The following GABRR1 variants were observed in gnomAD, a reference collection of about 807,000 sequenced individuals.
The protein encoded by GABRR1 is gamma-aminobutyric acid type A receptor subunit rho1.
Under a neutral mutation model 55.5 loss-of-function variants are expected in GABRR1, and 59 were observed. The ratio of observed to expected loss-of-function variants is 1.06; its 90% CI spans 0.86 to 1.32. The LOEUF (loss-of-function observed/expected upper bound fraction) is 1.32, where lower values mean the gene tolerates loss of function less well. Among genes scored for constraint, GABRR1 ranks in the 40% most tolerant of loss-of-function variants. GABRR1 has a pLI of 0.00. For synonymous variants in GABRR1, 213 were observed against 226.0 expected (o/e 0.94, Z 0.51); for missense variants, 602 against 619.1 (o/e 0.97, Z 0.29).
chr6:89,200,177 A>G (rs1772419510), intron 3 of GABRR1, among the ~76,000 whole-genome samples: 1 of 149,500 alleles, frequency 6.7e-6, no homozygotes, highest in African/African-American at 2.5e-5. Flanking sequence ...TCTACAGCCT[A>G]TTTATTCTTT....
intron 1 of GABRR1, among the ~76,000 whole-genome samples, chr6:89,212,918 T>C (rs998158793): frequency 3.9e-5 from 6 of 152,172 alleles, no homozygotes; most frequent in East Asian, 1.9e-4. Context: ...GTTATCCTCA[T>C]GTGTCAGCCT....
chr6:89,194,477 A>C (rs1340282729), intron 5 of GABRR1, among the ~76,000 whole-genome samples: 1 of 152,190 alleles, frequency 6.6e-6, no homozygotes, highest in Non-Finnish European at 1.5e-5. Context: ...TTCAATGCAA[A>C]GACATAGATG....
chr6:89,195,707 A>C (rs385159), intron 5 of GABRR1, among the ~76,000 whole-genome samples: 67,546 of 151,582 alleles, frequency 0.45, 15,941 homozygotes, highest in East Asian at 0.91. Context: ...ATACTCATCA[A>C]TTCCTAAGTA....
At chr6:89,219,031 C>A (rs1582410143), upstream of GABRR1, among the ~76,000 whole-genome samples, 1 of 152,078 alleles carries the variant, frequency 6.6e-6, no homozygotes, top group Non-Finnish European at 1.5e-5. Flanking sequence ...TTTGGGAGGC[C>A]AAGGTGGGAG....
intron 2 of GABRR1, among the ~76,000 whole-genome samples, chr6:89,202,675 C>A (rs936828062): frequency 6.6e-6 from 1 of 151,594 alleles, no homozygotes; most frequent in South Asian, 2.1e-4. Flanking sequence ...TCTTAGTTAT[C>A]CCCTCTTTAT....
chr6:89,223,166 G>T (rs965019638), intron 1 of GABRR1, among the ~76,000 whole-genome samples: 16 of 151,904 alleles, frequency 1.1e-4, no homozygotes, highest in African/African-American at 3.9e-4. Flanking sequence ...AATATATACT[G>T]AACCCATTTT....
At chr6:89,223,566 G>A (rs555528702) in intron 1 of GABRR1, among the ~76,000 whole-genome samples, 5 of 152,184 alleles carry the variant, frequency 3.3e-5, no homozygotes, top group African/African-American at 1.2e-4. Context: ...TAGATACTCA[G>A]TAGCGGGATT....
At chr6:89,225,535 A>C (rs1773187172) in intron 1 of GABRR1, among the ~76,000 whole-genome samples, 1 of 132,332 alleles carries the variant, frequency 7.6e-6, no homozygotes, top group African/African-American at 2.9e-5. Flanking sequence ...TGTTCTTGCG[A>C]TAGTTTACTG....
Position 89,198,161 on chromosome 6 carries a change from G to A in GABRR1, c.431C>T (p.Thr144Met), listed in dbSNP as rs776105331. The A allele has an allele frequency of 1.1e-5, 17 of 1,613,928 alleles. No homozygotes were observed. The highest frequency in any genetic ancestry group is 6.7e-5 in the Admixed American group (4 of 59,992). The change falls in exon 5 of 10, where the codon ACG (threonine) becomes ATG (methionine). Residue 144 changes from threonine to methionine, a missense_variant. By Grantham distance (81) the Thr-to-Met change is moderately conservative. This residue lies in a region of GABRR1 where 435 missense variants were observed against 424.2 expected (regional missense o/e 1.03). Coordinates refer to ENST00000454853, the MANE Select transcript of GABRR1 (RefSeq NM_002042.5). ...SFPSTNNLSM[T>M]FDGRLVKKIW... Reference sequence around the variant, plus strand: ...CTTCTTGACCAGCCGGCCGTCAAACGTCATGCTGAGGTTGTTGGTGCTTGG... The same window carrying A: ...CTTCTTGACCAGCCGGCCGTCAAACATCATGCTGAGGTTGTTGGTGCTTGG...
intron 5 of GABRR1, among the ~76,000 whole-genome samples, chr6:89,191,249 C>T (rs190574980): frequency 3.2e-4 from 48 of 152,214 alleles, no homozygotes; most frequent in African/African-American, 1.1e-3. Flanking sequence ...GGTCTTATGT[C>T]TCCTGGAAAT....
chr6:89,199,586 T>C (rs78093043), intron 3 of GABRR1, among the ~76,000 whole-genome samples, 157 bp from the exon 4 acceptor site: 1 of 152,324 alleles, frequency 6.6e-6, no homozygotes, highest in East Asian at 1.9e-4. Flanking sequence ...GATAAAAGCA[T>C]GGAATCATAG....
intron 1 of GABRR1, among the ~76,000 whole-genome samples, chr6:89,211,140 G>A (rs1331867109): frequency 2.0e-5 from 3 of 152,146 alleles, no homozygotes; most frequent in Non-Finnish European, 2.9e-5. Flanking sequence ...GGACTCGAAC[G>A]TTCAAGCAAA....
intron 1 of GABRR1, among the ~76,000 whole-genome samples, chr6:89,225,451 T>C (rs1204682588): frequency 3.0e-5 from 4 of 132,348 alleles, no homozygotes; most frequent in Non-Finnish European, 4.8e-5. Context: ...AGTGTGATAT[T>C]CCCCTTCCTG....
upstream of GABRR1, among the ~76,000 whole-genome samples, chr6:89,220,383 A>G (rs1471985148): frequency 6.6e-6 from 1 of 152,174 alleles, no homozygotes; most frequent in Non-Finnish European, 1.5e-5. Flanking sequence ...TCCTCCATCC[A>G]GAAGTTCCTA....
chr6:89,211,764 T>C (rs1464345687), intron 1 of GABRR1, among the ~76,000 whole-genome samples: 1 of 152,142 alleles, frequency 6.6e-6, no homozygotes, highest in Non-Finnish European at 1.5e-5. Flanking sequence ...GTTGAAAAAA[T>C]GGGCCTCTTA....
chr6:89,206,570 T>C (rs895718680), intron 1 of GABRR1, among the ~76,000 whole-genome samples: 6 of 152,114 alleles, frequency 3.9e-5, no homozygotes, highest in Non-Finnish European at 8.8e-5. Context: ...ATAGGCCTTC[T>C]GACCATCCCA....
In GABRR1 at chr6:89,217,215, C is replaced by T; in HGVS notation, c.108G>A (p.Met36Ile). 1 of 1,614,066 alleles carries T rather than the reference C, an allele frequency of 6.2e-7. No individual in the cohort carries two copies. The highest frequency in any genetic ancestry group is 8.5e-7 in the Non-Finnish European group (1 of 1,179,988). ...TGTCCACTCACCTGCCTTTCTTAGA[C>T]ATCTCGTGGACTTCTCTTCCGGGCC... ...MHWPGREVHE[M>I]SKKGRPQRQR... Residue 36 changes from methionine to isoleucine, a missense_variant, in exon 1 of 10, where the codon ATG becomes ATA. By Grantham distance (10) the Met-to-Ile change is conservative. This residue lies in a region of GABRR1 where 435 missense variants were observed against 424.2 expected (regional missense o/e 1.03). Coordinates refer to ENST00000454853, the MANE Select transcript of GABRR1 (RefSeq NM_002042.5).
chr6:89,189,807 T>C (rs1418231635), intron 6 of GABRR1, among the ~76,000 whole-genome samples: 1 of 152,226 alleles, frequency 6.6e-6, no homozygotes, highest in Admixed American at 6.5e-5. Flanking sequence ...GGCTCACGCC[T>C]GTAATCCCAG....
At chr6:89,213,858 T>TC (rs1772902524) in intron 1 of GABRR1, among the ~76,000 whole-genome samples, 1 of 30,940 alleles carries the variant, frequency 3.2e-5, no homozygotes, top group Admixed American at 2.3e-4. Context: ...TAAAATTTTT[T>TC]TCTCTTTTTT....
Sources: gnomAD v4.1 joint callset for allele counts (sites outside exome capture counted in the v4.1 genomes callset) on GRCh38, gnomAD v4.1.1 for gene constraint, gnomAD v4.1.1 regional missense constraint, MANE v1.5 for transcripts, NCBI Gene and HGNC (gene_info 2026-07-23, HGNC 2026-07-21) for gene names.